The following CPA6 variants were observed in gnomAD, a reference collection of about 807,000 sequenced individuals.
The protein encoded by CPA6 is carboxypeptidase A6.
Under a neutral mutation model 63.3 loss-of-function variants are expected in CPA6, and 58 were observed. That is an observed-to-expected ratio of 0.92 (90% CI 0.74 to 1.14). The LOEUF (loss-of-function observed/expected upper bound fraction) is 1.14. Ranked by LOEUF, CPA6 falls within the 50% of genes most tolerant of loss-of-function variation. The pLI is 0.00. For synonymous variants in CPA6, 185 were observed against 179.0 expected (o/e 1.03, Z -0.27); for missense variants, 565 against 526.6 (o/e 1.07, Z -0.71).
intron 2 of CPA6, among the ~76,000 whole-genome samples, chr8:67,572,518 T>C (rs1253866717): frequency 6.6e-6 from 1 of 152,138 alleles, no homozygotes; most frequent in African/African-American, 2.4e-5. Flanking sequence ...ATGAAAGCCC[T>C]CTCTAGAGGT....
chr8:67,464,835 T>A (rs1257327096), intron 8 of CPA6, among the ~76,000 whole-genome samples: 1 of 152,202 alleles, frequency 6.6e-6, no homozygotes, highest in East Asian at 1.9e-4. Context: ...TGTGGCTTTA[T>A]TCTGGGTTCT....
At chr8:67,744,727 G>T (rs1817976103) in intron 1 of CPA6, among the ~76,000 whole-genome samples, 1 of 152,112 alleles carries the variant, frequency 6.6e-6, no homozygotes, top group African/African-American at 2.4e-5. Context: ...CTCTAAAGGG[G>T]TCACAAATTA....
intron 2 of CPA6, among the ~76,000 whole-genome samples, chr8:67,551,660 A>G (rs1200039312): frequency 6.6e-6 from 1 of 152,170 alleles, no homozygotes; most frequent in East Asian, 1.9e-4. Context: ...TGAGCATGGA[A>G]TGTTTTTCCA....
chr8:67,509,482 C>T lies in CPA6; in HGVS notation c.534+35G>A, dbSNP rs376089757. 1.9e-5 allele frequency: 18 copies of T among 968,852 alleles called. No individual in the cohort carries two copies. The African/African-American group carries it at 2.0e-4, about 11-fold the overall frequency. The allele number at this position is 968,852 out of a possible 1,614,324, so 60.0% of individuals were successfully genotyped here. A position where few individuals can be genotyped will look rare whatever the true frequency, so the allele number is the denominator to read the frequency against. ...TTGAAAAAGATGGATATTTGGTAAA[C>T]ATTATGTATTTACACAGCAATTGCT... On this transcript the variant is annotated intron_variant, in intron 5 of 10. Coordinates refer to ENST00000297770, the MANE Select transcript of CPA6 (RefSeq NM_020361.5).
intron 6 of CPA6, among the ~76,000 whole-genome samples, chr8:67,502,854 C>T (rs1811854803): frequency 6.6e-6 from 1 of 152,018 alleles, no homozygotes; most frequent in Non-Finnish European, 1.5e-5. Context: ...CTTATGATTT[C>T]AATTATTTTA....
intron 1 of CPA6, among the ~76,000 whole-genome samples, chr8:67,715,918 C>T (rs565692210): frequency 6.6e-6 from 1 of 152,080 alleles, no homozygotes; most frequent in Non-Finnish European, 1.5e-5. Context: ...CTTTGGGAGG[C>T]CGAGACGGGT....
At chr8:67,571,887 A>C (rs2128976481) in intron 2 of CPA6, among the ~76,000 whole-genome samples, 1 of 152,304 alleles carries the variant, frequency 6.6e-6, no homozygotes, top group South Asian at 2.1e-4. Flanking sequence ...GATTGATTAA[A>C]CTAAGAGTTG....
intron 6 of CPA6, among the ~76,000 whole-genome samples, chr8:67,489,936 G>A (rs1480835091): frequency 6.6e-6 from 1 of 152,156 alleles, no homozygotes; most frequent in Non-Finnish European, 1.5e-5. Flanking sequence ...TCTGGAAACA[G>A]TTTAATTTCC....
intron 3 of CPA6, among the ~76,000 whole-genome samples, chr8:67,514,959 G>A (rs1401186423): frequency 6.6e-6 from 1 of 152,304 alleles, no homozygotes; most frequent in Middle Eastern, 3.4e-3. Flanking sequence ...ATATCAGTAC[G>A]TTAATAAAGC....
intron 1 of CPA6, among the ~76,000 whole-genome samples, chr8:67,733,944 G>T (rs1174696372): frequency 1.4e-5 from 2 of 146,590 alleles, no homozygotes; most frequent in Admixed American, 7.3e-5. Context: ...GTGCAATCAT[G>T]GCTCACTGCA....
chr8:67,626,119 T>C (rs1194189190), intron 1 of CPA6, among the ~76,000 whole-genome samples: 3 of 152,220 alleles, frequency 2.0e-5, no homozygotes, highest in Non-Finnish European at 2.9e-5. Flanking sequence ...CTCCCAGGCA[T>C]GCATTCTGTT....
chr8:67,483,706 A>C (rs751174771), intron 8 of CPA6, 62 bp downstream of exon 8: 1 of 1,359,032 alleles, frequency 7.4e-7, no homozygotes, highest in Non-Finnish European at 1.1e-6. Context: ...CTGGACTCAT[A>C]TTTTGCAGAG....
intron 2 of CPA6, among the ~76,000 whole-genome samples, chr8:67,597,872 T>C (rs1814387697): frequency 6.6e-6 from 1 of 152,230 alleles, no homozygotes; most frequent in African/African-American, 2.4e-5. Flanking sequence ...TTGGCTCTCT[T>C]TAATTATGTG....
intron 2 of CPA6, among the ~76,000 whole-genome samples, chr8:67,524,000 T>C (rs1812311526): frequency 6.6e-6 from 1 of 152,250 alleles, no homozygotes; most frequent in Non-Finnish European, 1.5e-5. Context: ...GTAAGAAAAC[T>C]TGATATCAAG....
At chr8:67,651,058 G>A (rs1233911232) in intron 1 of CPA6, among the ~76,000 whole-genome samples, 1 of 152,094 alleles carries the variant, frequency 6.6e-6, no homozygotes, top group Non-Finnish European at 1.5e-5. Flanking sequence ...TCAAAGAATT[G>A]TTGTAAGCTA....
chr8:67,531,860 T>C (rs1189795819), intron 2 of CPA6, among the ~76,000 whole-genome samples: 2 of 152,174 alleles, frequency 1.3e-5, no homozygotes, highest in Non-Finnish European at 2.9e-5. Context: ...TGTCAAATGA[T>C]CTCTGATTAC....
At chr8:67,637,914 A>T (rs898822302) in intron 1 of CPA6, among the ~76,000 whole-genome samples, 2 of 151,338 alleles carry the variant, frequency 1.3e-5, no homozygotes, top group Non-Finnish European at 2.9e-5. Flanking sequence ...ATCTGCCAGC[A>T]TAATTTGTTG....
At chr8:67,684,940 T>C (rs1187771187) in intron 1 of CPA6, among the ~76,000 whole-genome samples, 2 of 152,058 alleles carry the variant, frequency 1.3e-5, no homozygotes, top group Non-Finnish European at 2.9e-5. Flanking sequence ...CTCTTAGTAA[T>C]TTTCCACCCA....
At chr8:67,504,719 C>G (rs1811893796) in intron 6 of CPA6, among the ~76,000 whole-genome samples, 1 of 152,152 alleles carries the variant, frequency 6.6e-6, no homozygotes, top group African/African-American at 2.4e-5. Context: ...TGAATGACCT[C>G]TAGGCCTCCT....
Sources: allele counts gnomAD v4.1 joint callset (sites outside exome capture counted in the v4.1 genomes callset), GRCh38; gene constraint gnomAD v4.1.1; transcripts MANE v1.5; gene names NCBI Gene and HGNC (gene_info 2026-07-23, HGNC 2026-07-21).